The following CSMD1 variants were observed in gnomAD, a reference collection of about 807,000 sequenced individuals.
CSMD1 encodes CUB and Sushi multiple domains 1.
In CSMD1, 213 loss-of-function variants were observed where a neutral mutation model predicts 417.5. The ratio of observed to expected loss-of-function variants is 0.51; its 90% confidence interval spans 0.46 to 0.57. The LOEUF is 0.57. Among genes scored for constraint, CSMD1 ranks in the 20% least tolerant of loss-of-function variants. The pLI, the probability that CSMD1 is intolerant of heterozygous loss-of-function variation, is 0.00. For missense variants in CSMD1, 6,923 were observed against 4,529.7 expected (o/e 1.53, Z -15.17); for synonymous variants, 2,862 against 1,736.8 (o/e 1.65, Z -16.11).
At chr8:4,153,853 C>A (rs774197685) in intron 3 of CSMD1, among the ~76,000 whole-genome samples, 5 of 152,222 alleles carry the variant, frequency 3.3e-5, no homozygotes, top group Non-Finnish European at 4.4e-5. Context: ...GTGACCGTAG[C>A]TATGTGGCTT....
At chr8:4,622,528 T>C (rs1052342200) in intron 2 of CSMD1, among the ~76,000 whole-genome samples, 10 of 152,160 alleles carry the variant, frequency 6.6e-5, no homozygotes, top group Admixed American at 3.3e-4. Context: ...GCTGTGTCCA[T>C]GCAGCACCCT....
chr8:4,458,327 G>C (rs142618890), intron 2 of CSMD1, among the ~76,000 whole-genome samples: 2 of 152,076 alleles, frequency 1.3e-5, no homozygotes, highest in African/African-American at 2.4e-5. Context: ...ACAAGGGATC[G>C]ATTAGCTGAA....
In CSMD1 at chr8:3,422,995, C is replaced by A. The variant is rs992337422; in HGVS notation, c.1562-13390G>T. ...ACAGCTCTTACTGCTACCAAATTGGCAACACCTGAATTTTACAGGAGACAC... is the reference window on the plus strand; with the variant it reads ...ACAGCTCTTACTGCTACCAAATTGGAAACACCTGAATTTTACAGGAGACAC... On this transcript the variant is annotated intron_variant, in intron 12 of 69. Coordinates refer to ENST00000635120, the MANE Select transcript of CSMD1 (RefSeq NM_033225.6). 6.6e-5 allele frequency among the ~76,000 whole-genome samples: 10 copies of A among 152,316 alleles called. No individual in the cohort carries two copies. In the South Asian group the frequency reaches 1.7e-3, roughly 25 times the overall value.
chr8:3,690,439 G>A lies in CSMD1; in HGVS notation c.1009+17975C>T, dbSNP rs188485416. ...TTTGAAGCAATTTCTTCTGTATGTG[G>A]GTAAACTGTCACAGTAGTGTTCAAG... On this transcript the variant is annotated intron_variant, in intron 7 of 69. Transcript: ENST00000635120. 1.7e-3 allele frequency among the ~76,000 whole-genome samples: 265 copies of A among 152,304 alleles called. 1 individual carries two copies. Among genetic ancestry groups the A allele is most frequent in the African/African-American group, 4.7e-3 (194 of 41,562 alleles).
At chr8:3,860,458 G>C (rs17067779) in intron 5 of CSMD1, among the ~76,000 whole-genome samples, 1 of 151,978 alleles carries the variant, frequency 6.6e-6, no homozygotes, top group Non-Finnish European at 1.5e-5. Context: ...TTTGAATGTA[G>C]GAGTTTGCTA....
chr8:3,623,271 G>A (rs1796344854), intron 7 of CSMD1, among the ~76,000 whole-genome samples: 2 of 152,162 alleles, frequency 1.3e-5, no homozygotes. Flanking sequence ...ACTCTGCAGG[G>A]CAGTAAAGAA....
chr8:3,488,034 A>C (rs1254018494), intron 11 of CSMD1, among the ~76,000 whole-genome samples: 2 of 148,282 alleles, frequency 1.3e-5, no homozygotes, highest in East Asian at 4.1e-4. Flanking sequence ...TACTTAGAAG[A>C]GGTGACTTTT....
chr8:4,722,386 T>G (rs966593975), intron 1 of CSMD1, among the ~76,000 whole-genome samples: 16 of 152,164 alleles, frequency 1.1e-4, no homozygotes, highest in Non-Finnish European at 2.1e-4. Flanking sequence ...ATATGGCTAC[T>G]TCTCCCAATG....
chr8:4,940,732 C>G (rs1807940632), intron 1 of CSMD1, among the ~76,000 whole-genome samples: 1 of 152,144 alleles, frequency 6.6e-6, no homozygotes, highest in African/African-American at 2.4e-5. Context: ...TCACAAATCT[C>G]CAGGGTAGCA....
At chr8:4,554,649 A>G (rs1798012074) in intron 2 of CSMD1, among the ~76,000 whole-genome samples, 1 of 152,206 alleles carries the variant, frequency 6.6e-6, no homozygotes, top group Admixed American at 6.5e-5. Flanking sequence ...TGCCATAGGC[A>G]ACATTTACCA....
rs768940959 is a variant in CSMD1, at chr8:3,284,193, G to A, written c.4104C>T (p.Phe1368=). The A allele has an allele frequency of 1.9e-6, 3 of 1,602,420 alleles. No individual in the cohort carries two copies. In the African/African-American group the frequency reaches 4.0e-5, roughly 21 times the overall value. ...ACTTGCTGATGAAGAAGTCGCTGTC[G>A]AACTGCAGGGTGAGTGAGTTGAAGG... ...HSTFNSLTLQ[F]DSDFFISKSG... Residue 1368 remains phenylalanine (F), a synonymous_variant, in exon 26 of 70, where the codon TTC becomes TTT. Coordinates refer to ENST00000635120, the MANE Select transcript of CSMD1 (RefSeq NM_033225.6).
intron 2 of CSMD1, among the ~76,000 whole-genome samples, chr8:4,460,589 G>A (rs561943976): frequency 1.3e-5 from 2 of 150,300 alleles, no homozygotes; most frequent in South Asian, 2.1e-4. Flanking sequence ...AAATAAAGAA[G>A]TCTCAAATTA....
chr8:3,534,782 T>A (rs1027050790), intron 10 of CSMD1, among the ~76,000 whole-genome samples: 6 of 152,176 alleles, frequency 3.9e-5, no homozygotes, highest in Admixed American at 3.9e-4. Context: ...ATTACTTTAT[T>A]TCCTTGTTAC....
chr8:4,091,805 G>T (rs910342007), intron 3 of CSMD1, among the ~76,000 whole-genome samples: 2 of 152,118 alleles, frequency 1.3e-5, no homozygotes, highest in South Asian at 2.1e-4. Context: ...TAAAATACTG[G>T]AAGAGGCCTT....
chr8:3,386,380 G>A (rs1027486855), intron 18 of CSMD1, among the ~76,000 whole-genome samples: 1 of 152,086 alleles, frequency 6.6e-6, no homozygotes, highest in Non-Finnish European at 1.5e-5. Flanking sequence ...ATTCCCACCG[G>A]TTCCAGCTGG....
chr8:4,171,547 A>G (rs1192217277), intron 3 of CSMD1, among the ~76,000 whole-genome samples: 3 of 151,860 alleles, frequency 2.0e-5, no homozygotes, highest in Non-Finnish European at 2.9e-5. Flanking sequence ...CAAATGTACA[A>G]TAACTACTGG....
intron 6 of CSMD1, among the ~76,000 whole-genome samples, chr8:3,720,655 A>ACACACACACC (rs1435579676): frequency 2.8e-4 from 41 of 148,932 alleles, no homozygotes; most frequent in African/African-American, 9.5e-4. Context: ...ACACACACAC[A>ACACACACACC]CCAGCACATT....
chr8:4,572,481 G>T (rs1023541313), intron 2 of CSMD1, among the ~76,000 whole-genome samples: 1 of 152,200 alleles, frequency 6.6e-6, no homozygotes, highest in African/African-American at 2.4e-5. Flanking sequence ...TCTGCAGAGA[G>T]ATCCACTGTT....
At chr8:3,190,235 G>A (rs561623460) in intron 33 of CSMD1, 120 bp from the exon 34 acceptor site, 2 of 692,448 alleles carry the variant, frequency 2.9e-6, no homozygotes, top group Non-Finnish European at 4.9e-6. Flanking sequence ...ATTTAATAAC[G>A]ACTCCAACAA....
Sources: allele counts gnomAD v4.1 joint callset (sites outside exome capture counted in the v4.1 genomes callset), GRCh38; gene constraint gnomAD v4.1.1; transcripts MANE v1.5; gene names NCBI Gene and HGNC (gene_info 2026-07-23, HGNC 2026-07-21).